AKAP11: variants seen among roughly 807,000 people sequenced by gnomAD.
AKAP11 encodes the protein A-kinase anchor protein 11.
In AKAP11, 36 loss-of-function variants were observed where a neutral mutation model predicts 146.1. The observed-to-expected ratio is 0.25, with a 90% CI of 0.19 to 0.33. The LOEUF is 0.33. Ranked by LOEUF, AKAP11 falls within the 10% of genes least tolerant of loss-of-function variation. AKAP11 has a pLI of 1.00. For synonymous variants in AKAP11, 780 were observed against 786.5 expected, an observed-to-expected ratio of 0.99 and a Z score of 0.14; for missense variants, 2,201 against 2,197.0, an observed-to-expected ratio of 1.00 and a Z score of -0.04.
At chr13:42,312,126 A>G (rs1320987818) in intron 9 of AKAP11, among the ~76,000 whole-genome samples, 2 of 152,318 alleles carry the variant, frequency 1.3e-5, no homozygotes, top group South Asian at 2.1e-4. Flanking sequence ...GCCTAGCATA[A>G]TATTGGGAAA....
At chr13:42,298,159 A>T (rs1959624020) in intron 6 of AKAP11, among the ~76,000 whole-genome samples, 1 of 152,062 alleles carries the variant, frequency 6.6e-6, no homozygotes, top group Admixed American at 6.6e-5. Flanking sequence ...AAGAAAATAG[A>T]ACTTGGTTGC....
Position 42,298,645 on chromosome 13 carries a change from C to T in AKAP11, c.464C>T (p.Thr155Ile), listed in dbSNP as rs1959656673. Reference sequence around the variant, plus strand: ...AAATATGCTACTGGTATAAGGTACACCTTGGACACATTCTTGCATCAGAAG... The same window carrying T: ...AAATATGCTACTGGTATAAGGTACATCTTGGACACATTCTTGCATCAGAAG... The part of the protein sequence containing the change: ...LSKYATGIRY[T>I]LDTFLHQKHQ... The change falls in exon 7 of 13, where the codon ACC (threonine) becomes ATC (isoleucine). Residue 155 changes from threonine to isoleucine, a missense_variant. Transcript: ENST00000025301. 4 of 1,611,870 alleles carry T rather than the reference C, an allele frequency of 2.5e-6. No individual in the cohort carries two copies. The South Asian group carries it at 3.3e-5, about 13-fold the overall frequency.
chr13:42,286,416 A>G lies in AKAP11; in HGVS notation c.51+17A>G. Reference sequence around the variant, plus strand: ...GTCAGAAAAGTAAGTTCACTCTATTAGGTTTCTTTTAGTGAAAGTTTTAAT... The same window carrying G: ...GTCAGAAAAGTAAGTTCACTCTATTGGGTTTCTTTTAGTGAAAGTTTTAAT... On this transcript the variant is annotated intron_variant, in intron 3 of 12. Coordinates refer to ENST00000025301, the MANE Select transcript of AKAP11 (RefSeq NM_016248.4). 6.4e-7 allele frequency: 1 copy of G among 1,570,542 alleles called. No individual in the cohort carries two copies. Among genetic ancestry groups the G allele is most frequent in the Non-Finnish European group, 8.6e-7 (1 of 1,158,668 alleles).
intron 11 of AKAP11, among the ~76,000 whole-genome samples, chr13:42,317,185 T>A (rs1960863159): frequency 6.6e-6 from 1 of 152,200 alleles, no homozygotes; most frequent in South Asian, 2.1e-4. Flanking sequence ...GCCTCATTTT[T>A]ATTTTTATTG....
chr13:42,273,369 T>C (rs2138376034), intron 1 of AKAP11, among the ~76,000 whole-genome samples: 1 of 152,296 alleles, frequency 6.6e-6, no homozygotes. Flanking sequence ...TTTTTTTTTT[T>C]TTGAAAAACA....
chr13:42,281,190 C>G (rs1322803142), intron 1 of AKAP11, among the ~76,000 whole-genome samples: 1 of 151,996 alleles, frequency 6.6e-6, no homozygotes, highest in Non-Finnish European at 1.5e-5. Context: ...AGGATGAAGA[C>G]TAAGAAATAT....
At chr13:42,316,743 A>G (rs563981879) in intron 11 of AKAP11, among the ~76,000 whole-genome samples, 19 of 152,358 alleles carry the variant, frequency 1.2e-4, no homozygotes, top group Non-Finnish European at 2.6e-4. Context: ...AATGGAGACA[A>G]TAATAGTTTC....
At chr13:42,292,537 A>G (rs1284204756) in intron 4 of AKAP11, 36 bp downstream of exon 4, 1 of 1,253,058 alleles carries the variant, frequency 8.0e-7, no homozygotes, top group Admixed American at 1.8e-5. Flanking sequence ...TTTCCTAATA[A>G]TGCACAGCAT....
Position 42,323,085 on chromosome 13 carries a change from C to T in AKAP11, c.*3857C>T, listed in dbSNP as rs1030872489. The T allele has an allele frequency of 1.4e-4, 22 of 152,826 alleles. No homozygotes were observed. The highest frequency in any genetic ancestry group is 5.3e-4 in the African/African-American group (22 of 41,544). The allele number at this position is 152,826 out of a possible 1,614,324, so 9.5% of individuals were successfully genotyped here. A position where few individuals can be genotyped will look rare whatever the true frequency, so the allele number is the denominator to read the frequency against. ...TTGCTTTTCAGTAATTTAATATGTT[C>T]ACTTAACAAAATACGAACTTTGAGA... On this transcript the variant is annotated 3_prime_UTR_variant, in exon 13 of 13. Transcript: ENST00000025301.
intron 6 of AKAP11, 44 bp from the exon 7 acceptor site, chr13:42,298,489 A>G (rs751788817): frequency 1.9e-6 from 3 of 1,584,876 alleles, no homozygotes; most frequent in South Asian, 2.3e-5. Context: ...GTTGTTTTGT[A>G]TTTGAAATTA....
At position 42,313,519 on chromosome 13, in the gene AKAP11, A is replaced by T. The variant is rs117444649; in HGVS notation, c.5358-375A>T. Among the ~76,000 whole-genome samples the T allele has an allele frequency of 4.4e-3, 675 of 152,334 alleles. 14 individuals are homozygous for T. In the East Asian group the frequency reaches 0.046, roughly 10 times the overall value. ...AAAGTGTTTTTACTGTATTAAAAAT[A>T]TATATAAATTGCATCAGCTAAACCA... On this transcript the variant is annotated intron_variant, in intron 10 of 12. Coordinates refer to ENST00000025301, the MANE Select transcript of AKAP11 (RefSeq NM_016248.4).
chr13:42,294,782 A>G (rs1959412598), intron 4 of AKAP11, among the ~76,000 whole-genome samples: 1 of 152,192 alleles, frequency 6.6e-6, no homozygotes, highest in Admixed American at 6.5e-5. Context: ...TGACTTAGGG[A>G]AAAAATGCAG....
intron 9 of AKAP11, among the ~76,000 whole-genome samples, chr13:42,311,232 C>T (rs1960548782): frequency 6.6e-6 from 1 of 152,136 alleles, no homozygotes; most frequent in South Asian, 2.1e-4. Context: ...GGTTGGAGTA[C>T]TCCTGTGCTA....
chr13:42,280,746 G>A (rs1234282157), intron 1 of AKAP11, among the ~76,000 whole-genome samples: 1 of 152,136 alleles, frequency 6.6e-6, no homozygotes, highest in Non-Finnish European at 1.5e-5. Flanking sequence ...AGAGATATGA[G>A]CCAAGCCTAT....
chr13:42,295,295 G>C (rs1959439279), intron 4 of AKAP11, among the ~76,000 whole-genome samples: 1 of 152,214 alleles, frequency 6.6e-6, no homozygotes, highest in Non-Finnish European at 1.5e-5. Flanking sequence ...ATGGTAGAAG[G>C]ATGAAAGCAT....
chr13:42,310,266 C>T (rs888815762), intron 9 of AKAP11, among the ~76,000 whole-genome samples: 5 of 152,072 alleles, frequency 3.3e-5, no homozygotes, highest in African/African-American at 1.2e-4. Context: ...TGTAATGCTG[C>T]GTGGCATTAA....
Position 42,286,297 on chromosome 13 carries a change from T to C in AKAP11, c.-49-3T>C. 2 of 1,220,554 alleles carry C rather than the reference T, an allele frequency of 1.6e-6. No homozygotes were observed. Among genetic ancestry groups the C allele is most frequent in the South Asian group, 1.5e-5 (1 of 67,960 alleles). 75.6% of individuals were successfully genotyped at this position (1,220,554 alleles called of 1,614,324 possible). ...ATAAGTTGTTTTAATATGTTTTCTT[T>C]AGGTGTTTTGTGGATTAACTCTTCA... On this transcript the variant is annotated splice_polypyrimidine_tract_variant and splice_region_variant and intron_variant, in intron 2 of 12. Transcript: ENST00000025301.
Position 42,320,033 on chromosome 13 carries a change from A to C in AKAP11, c.*805A>C, listed in dbSNP as rs1394908540. The C allele has an allele frequency of 6.6e-6, 1 of 152,554 alleles. No individual in the cohort carries two copies. The highest frequency in any genetic ancestry group is 1.5e-5 in the Non-Finnish European group (1 of 68,016). The allele number at this position is 152,554 out of a possible 1,614,324, so 9.5% of individuals were successfully genotyped here. Reference sequence around the variant, plus strand: ...TAGAAACCCACTGTTAAAATTTAAAAAGGTGCTTTAAAATAAAACGCCTAT... The same window carrying C: ...TAGAAACCCACTGTTAAAATTTAAACAGGTGCTTTAAAATAAAACGCCTAT... On this transcript the variant is annotated 3_prime_UTR_variant, in exon 13 of 13. Coordinates refer to ENST00000025301, the MANE Select transcript of AKAP11 (RefSeq NM_016248.4).
At chr13:42,310,627 T>C (rs556787382) in intron 9 of AKAP11, among the ~76,000 whole-genome samples, 35 of 150,914 alleles carry the variant, frequency 2.3e-4, no homozygotes, top group Middle Eastern at 3.4e-3. Context: ...CCAATGGGGG[T>C]GGGGGTGGAT....
Sources: allele counts gnomAD v4.1 joint callset (sites outside exome capture counted in the v4.1 genomes callset), GRCh38; gene constraint gnomAD v4.1.1; transcripts MANE v1.5; gene names NCBI Gene and HGNC (gene_info 2026-07-23, HGNC 2026-07-21).